TNS3: variants seen among roughly 807,000 people sequenced by gnomAD.
TNS3 encodes the protein tensin 3, also known as tensin-3.
Under a neutral mutation model 140.9 loss-of-function variants are expected in TNS3, and 45 were observed. The observed-to-expected ratio is 0.32, with a 90% confidence interval of 0.25 to 0.41. The LOEUF is 0.41. Among genes scored for constraint, TNS3 ranks in the 10% least tolerant of loss-of-function variants. The probability of loss-of-function intolerance (pLI) is 1.00; values close to 1 mark genes in which losing one functional copy is unlikely to be tolerated. For missense variants in TNS3, 1,716 were observed against 1,906.7 expected (o/e 0.90, Z 1.86); for synonymous variants, 815 against 788.4 (o/e 1.03, Z -0.56).
chr7:47,381,773 G>T (rs887470622), intron 16 of TNS3, among the ~76,000 whole-genome samples: 1 of 152,182 alleles, frequency 6.6e-6, no homozygotes, highest in Non-Finnish European at 1.5e-5. Flanking sequence ...TGCACTTATT[G>T]TGCAAAAAGT....
At chr7:47,457,527 C>T (rs941398526) in intron 4 of TNS3, among the ~76,000 whole-genome samples, 2 of 152,122 alleles carry the variant, frequency 1.3e-5, no homozygotes, top group African/African-American at 4.8e-5. Flanking sequence ...CCTAATCACT[C>T]TCCCTTTCAT....
chr7:47,317,613 T>C (rs1162983761), intron 20 of TNS3, among the ~76,000 whole-genome samples: 1 of 152,210 alleles, frequency 6.6e-6, no homozygotes, highest in Non-Finnish European at 1.5e-5. Context: ...CATAGTCCCT[T>C]AGCAACCTAC....
intron 23 of TNS3, among the ~76,000 whole-genome samples, chr7:47,301,248 C>T (rs974328746): frequency 2.0e-5 from 3 of 152,140 alleles, no homozygotes; most frequent in African/African-American, 4.8e-5. Context: ...AGGTGGCCAC[C>T]GGGATTCACT....
chr7:47,448,746 G>A (rs1795874173), intron 4 of TNS3, among the ~76,000 whole-genome samples: 1 of 152,158 alleles, frequency 6.6e-6, no homozygotes, highest in African/African-American at 2.4e-5. Flanking sequence ...TCCAATGCTG[G>A]GATTGCAGGC....
intron 4 of TNS3, among the ~76,000 whole-genome samples, chr7:47,460,971 G>A (rs1467612177): frequency 6.6e-6 from 1 of 152,156 alleles, no homozygotes; most frequent in Non-Finnish European, 1.5e-5. Flanking sequence ...CAGATCTATA[G>A]ATCCCGCCAT....
chr7:47,275,808 A>C lies in TNS3; in HGVS notation c.*2268T>G, dbSNP rs1784846315. On this transcript the variant is annotated 3_prime_UTR_variant, in exon 31 of 31. Transcript: ENST00000311160. The stretch of plus-strand genomic sequence containing the variant: ...AATCACACCTGGCCAATGAGTTCAA[A>C]AAGCACGTTTGCAGGGCTTCCTGAA... The C allele has an allele frequency of 4.4e-6, 2 of 455,934 alleles. No individual in the cohort carries two copies. The highest frequency in any genetic ancestry group is 8.8e-6 in the Non-Finnish European group (2 of 226,790). The allele number at this position is 455,934 out of a possible 1,614,324, so 28.2% of individuals were successfully genotyped here. A position where few individuals can be genotyped will look rare whatever the true frequency, so the allele number is the denominator to read the frequency against.
chr7:47,417,475 G>A (rs1296890467), intron 10 of TNS3, among the ~76,000 whole-genome samples: 1 of 152,216 alleles, frequency 6.6e-6, no homozygotes, highest in Non-Finnish European at 1.5e-5. Flanking sequence ...GAGGGGAAGG[G>A]AAGGAGGCTG....
intron 27 of TNS3, among the ~76,000 whole-genome samples, chr7:47,290,424 G>A (rs1270589096): frequency 6.6e-6 from 1 of 152,028 alleles, no homozygotes; most frequent in Non-Finnish European, 1.5e-5. Flanking sequence ...GCCATGAAAT[G>A]GAAGAAAATA....
At chr7:47,289,113 G>C (rs1785568196) in intron 27 of TNS3, among the ~76,000 whole-genome samples, 1 of 152,158 alleles carries the variant, frequency 6.6e-6, no homozygotes, top group African/African-American at 2.4e-5. Context: ...CTTGGTAACA[G>C]ACACAGTGAT....
At chr7:47,451,568 G>A (rs1158586768) in intron 4 of TNS3, among the ~76,000 whole-genome samples, 2 of 152,164 alleles carry the variant, frequency 1.3e-5, no homozygotes, top group African/African-American at 2.4e-5. Flanking sequence ...GCAACAGAGC[G>A]AGACTCCATC....
chr7:47,291,851 G>A, intron 27 of TNS3, 104 bp downstream of exon 27: 2 of 1,275,112 alleles, frequency 1.6e-6, no homozygotes, highest in South Asian at 1.4e-5. Context: ...AAGGCTCACA[G>A]AAAAGAAAGG....
intron 20 of TNS3, among the ~76,000 whole-genome samples, chr7:47,316,994 A>C (rs1435278809): frequency 6.6e-6 from 1 of 152,202 alleles, no homozygotes; most frequent in Non-Finnish European, 1.5e-5. Context: ...ACAAACAAAA[A>C]TGATGAAAAA....
chr7:47,275,496 TC>T lies in TNS3; in HGVS notation c.*2579del, dbSNP rs1784834655. 3.2e-6 allele frequency: 1 copy of T among 311,072 alleles called. No homozygotes were observed. Among genetic ancestry groups the T allele is most frequent in the Non-Finnish European group, 6.3e-6 (1 of 159,046 alleles). 19.3% of individuals were successfully genotyped at this position (311,072 alleles called of 1,614,324 possible). Reference sequence around the variant, plus strand: ...TACTCCCCAGGGCAGTACGTGCCTGTCCAGCGGGAGCCCTGGAGACAAAATG... The same window carrying T: ...TACTCCCCAGGGCAGTACGTGCCTGTCAGCGGGAGCCCTGGAGACAAAATG... On this transcript the variant is annotated 3_prime_UTR_variant, in exon 31 of 31. Coordinates refer to ENST00000311160, the MANE Select transcript of TNS3 (RefSeq NM_022748.12).
At chr7:47,481,280 T>C (rs900454891) in intron 3 of TNS3, 139 bp from the exon 4 acceptor site, 41 of 572,506 alleles carry the variant, frequency 7.2e-5, no homozygotes, top group African/African-American at 6.5e-4. Flanking sequence ...AGATCAAGAC[T>C]GACAAGATTT....
Position 47,566,721 on chromosome 7 carries a change from C to T in TNS3, c.-265+15330G>A, listed in dbSNP as rs547747883. On this transcript the variant is annotated intron_variant, in intron 1 of 30. Coordinates refer to ENST00000311160, the MANE Select transcript of TNS3 (RefSeq NM_022748.12). ...GTCTCAACCAAGTGATCTGACTTAGCGGGCCAACAGCAGGACAAAAAGACA... is the reference window on the plus strand; with the variant it reads ...GTCTCAACCAAGTGATCTGACTTAGTGGGCCAACAGCAGGACAAAAAGACA... Among the ~76,000 whole-genome samples, 207 of 152,252 alleles carry T rather than the reference C, an allele frequency of 1.4e-3. 1 individual carries two copies. The highest frequency in any genetic ancestry group is 2.1e-3 in the South Asian group (10 of 4,820).
At chr7:47,558,209 CAG>C (rs1360618933) in intron 1 of TNS3, among the ~76,000 whole-genome samples, 1 of 152,190 alleles carries the variant, frequency 6.6e-6, no homozygotes, top group Non-Finnish European at 1.5e-5. Flanking sequence ...TAAAAGGAAA[CAG>C]GGTATTTGCC....
At chr7:47,429,460 C>T (rs972500066) in intron 8 of TNS3, among the ~76,000 whole-genome samples, 49 of 152,288 alleles carry the variant, frequency 3.2e-4, no homozygotes, top group African/African-American at 1.1e-3. Context: ...CTCCGCCTCC[C>T]GGGTTCACGC....
At chr7:47,537,783 A>G (rs943268734) in intron 1 of TNS3, among the ~76,000 whole-genome samples, 19 of 152,162 alleles carry the variant, frequency 1.2e-4, no homozygotes, top group African/African-American at 4.3e-4. Context: ...ACCGAGGCAG[A>G]AAGGCTTTTT....
chr7:47,329,893 A>C, intron 20 of TNS3, among the ~76,000 whole-genome samples: 1 of 152,122 alleles, frequency 6.6e-6, no homozygotes. Flanking sequence ...AGGGAGGAGG[A>C]GGCAGGGCAT....
Sources: gnomAD v4.1 joint callset for allele counts (sites outside exome capture counted in the v4.1 genomes callset) on GRCh38, gnomAD v4.1.1 for gene constraint, MANE v1.5 for transcripts, NCBI Gene and HGNC (gene_info 2026-07-23, HGNC 2026-07-21) for gene names.